Variants in ZNF107 observed in about 807,000 individuals in gnomAD.
ZNF107 encodes C2H2 type zinc-finger protein.
In ZNF107, 19 loss-of-function variants were observed where a neutral mutation model predicts 12.3. The observed-to-expected ratio is 1.55, with a 90% CI of 1.08 to 2.27. ZNF107 has a LOEUF of 2.27. Among genes scored for constraint, ZNF107 ranks in the 30% most tolerant of loss-of-function variants. The pLI, the probability that ZNF107 is intolerant of heterozygous loss-of-function variation, is 0.00. For missense variants in ZNF107, 958 were observed against 979.9 expected (o/e 0.98, Z 0.30); for synonymous variants, 317 against 330.5 (o/e 0.96, Z 0.44).
chr7:64,691,973 GA>G lies in ZNF107; in HGVS notation c.226+16del. 6.7e-7 allele frequency: 1 copy of G among 1,484,024 alleles called. No homozygotes were observed. Among genetic ancestry groups the G allele is most frequent in the Non-Finnish European group, 9.0e-7 (1 of 1,110,924 alleles). The allele number at this position is 1,484,024 out of a possible 1,614,324, so 91.9% of individuals were successfully genotyped here. On this transcript the variant is annotated intron_variant, in intron 3 of 3. Coordinates refer to ENST00000620827, the MANE Select transcript of ZNF107 (RefSeq NM_001282359.2). ...GCCAAACCCCCAGGTAGGTGAGAGTGAAAGTGAATACAACAGATGACAAAGA... is the reference window on the plus strand; with the variant it reads ...GCCAAACCCCCAGGTAGGTGAGAGTGAAGTGAATACAACAGATGACAAAGA...
chr7:64,666,372 C>T, intron 1 of ZNF107, 87 bp downstream of exon 1: 1 of 1,544,944 alleles, frequency 6.5e-7, no homozygotes, highest in Non-Finnish European at 8.8e-7. Context: ...CTCGGGCCTC[C>T]AAAGTCCGCG....
intron 1 of ZNF107, among the ~76,000 whole-genome samples, chr7:64,670,995 C>G (rs917680910): frequency 6.6e-6 from 1 of 152,132 alleles, no homozygotes; most frequent in Admixed American, 6.5e-5. Flanking sequence ...TCTGCTGACT[C>G]TGGGGTCAGA....
intron 3 of ZNF107, among the ~76,000 whole-genome samples, chr7:64,699,359 T>TTTTGTC (rs1159526555): frequency 6.6e-6 from 1 of 152,158 alleles, no homozygotes; most frequent in Non-Finnish European, 1.5e-5. Context: ...TTTTAATTAG[T>TTTTGTC]AGGTTTATTC....
At chr7:64,699,910 T>C (rs1790412928) in intron 3 of ZNF107, among the ~76,000 whole-genome samples, 1 of 151,624 alleles carries the variant, frequency 6.6e-6, no homozygotes, top group Admixed American at 6.6e-5. Context: ...CTACTAAAAA[T>C]ACAAAAATTA....
intron 1 of ZNF107, among the ~76,000 whole-genome samples, chr7:64,667,303 A>T (rs573169767): frequency 6.6e-6 from 1 of 152,268 alleles, no homozygotes; most frequent in South Asian, 2.1e-4. Context: ...TACATTTTAG[A>T]TACTGTATTT....
At chr7:64,673,931 G>GTTT (rs1403869692) in intron 1 of ZNF107, among the ~76,000 whole-genome samples, 3 of 150,828 alleles carry the variant, frequency 2.0e-5, no homozygotes, top group African/African-American at 7.4e-5. Flanking sequence ...CTATTGGTCT[G>GTTT]TTTTTTGTTG....
At chr7:64,690,584 A>G (rs1463530254) in intron 1 of ZNF107, 10 of 955,638 alleles carry the variant, frequency 1.0e-5, no homozygotes, top group Non-Finnish European at 1.2e-5. Flanking sequence ...ATTTGCAGAG[A>G]CATTCCATTT....
chr7:64,671,137 A>G (rs1161511052), intron 1 of ZNF107, among the ~76,000 whole-genome samples: 1 of 152,148 alleles, frequency 6.6e-6, no homozygotes, highest in African/African-American at 2.4e-5. Flanking sequence ...TGGGAATGCG[A>G]CGCTCTACCC....
intron 1 of ZNF107, among the ~76,000 whole-genome samples, chr7:64,688,399 A>G (rs1363191239): frequency 6.6e-6 from 1 of 151,720 alleles, no homozygotes; most frequent in East Asian, 1.9e-4. Flanking sequence ...TGGGATTACA[A>G]GCACGCACCA....
At chr7:64,688,774 G>A (rs1446412622) in intron 1 of ZNF107, among the ~76,000 whole-genome samples, 1 of 152,136 alleles carries the variant, frequency 6.6e-6, no homozygotes, top group Non-Finnish European at 1.5e-5. Context: ...TGTTCTTTGA[G>A]CTAAGAATTT....
chr7:64,708,308 A>G lies in ZNF107; in HGVS notation c.2211A>G (p.Glu737=), dbSNP rs773067199. The G allele has an allele frequency of 1.3e-5, 21 of 1,613,524 alleles. No individual in the cohort carries two copies. In the East Asian group the frequency reaches 3.6e-4, roughly 27 times the overall value. ...HTGEKPYKCK[E]CGKAFNLSST... ...GAGAGAAACCTTACAAATGTAAAGAATGTGGCAAAGCTTTTAACCTATCCT... is the reference window on the plus strand; with the variant it reads ...GAGAGAAACCTTACAAATGTAAAGAGTGTGGCAAAGCTTTTAACCTATCCT... Residue 737 remains glutamate, a synonymous_variant, in exon 4 of 4, where the codon GAA becomes GAG. Transcript: ENST00000620827.
Position 64,706,841 on chromosome 7 carries a change from G to C in ZNF107, c.744G>C (p.Lys248Asn). 6.2e-7 allele frequency: 1 copy of C among 1,613,590 alleles called. No individual in the cohort carries two copies. The highest frequency in any genetic ancestry group is 8.5e-7 in the Non-Finnish European group (1 of 1,179,808). The change falls in exon 4 of 4, where the codon AAG becomes AAC. Residue 248 changes from lysine to asparagine, a missense_variant. Lys to Asn is a moderately conservative substitution (Grantham distance 94). Coordinates refer to ENST00000620827, the MANE Select transcript of ZNF107 (RefSeq NM_001282359.2). ...AGTCCTCACAACTTACTAGGCATAAGATAATTCATACTGAAGAGAAACCCA... is the reference window on the plus strand; with the variant it reads ...AGTCCTCACAACTTACTAGGCATAACATAATTCATACTGAAGAGAAACCCA... ...FNQSSQLTRH[K>N]IIHTEEKPNK...
At chr7:64,692,491 G>T (rs1790148720) in intron 3 of ZNF107, among the ~76,000 whole-genome samples, 1 of 151,582 alleles carries the variant, frequency 6.6e-6, no homozygotes, top group Non-Finnish European at 1.5e-5. Context: ...AAATTGCTTT[G>T]GCTCTTCAAA....
At chr7:64,677,388 T>C (rs975882007) in intron 1 of ZNF107, among the ~76,000 whole-genome samples, 7 of 151,468 alleles carry the variant, frequency 4.6e-5, no homozygotes, top group African/African-American at 1.7e-4. Context: ...GTCAGGCTGG[T>C]CTCGAACTCA....
chr7:64,685,701 C>A (rs532075353), intron 1 of ZNF107, among the ~76,000 whole-genome samples: 1 of 152,334 alleles, frequency 6.6e-6, no homozygotes, highest in South Asian at 2.1e-4. Context: ...AATTCACACA[C>A]CTTTTTAACA....
intron 1 of ZNF107, among the ~76,000 whole-genome samples, chr7:64,688,299 C>T (rs1789996605): frequency 1.3e-5 from 2 of 150,856 alleles, no homozygotes; most frequent in Non-Finnish European, 2.9e-5. Context: ...CTCTGTTGCC[C>T]AGGCTGGAGT....
chr7:64,698,281 A>G (rs185586943), intron 3 of ZNF107, among the ~76,000 whole-genome samples: 1,619 of 136,812 alleles, frequency 0.012, 34 homozygotes, highest in African/African-American at 0.039. Flanking sequence ...GTTCAGTTTT[A>G]AGAGTTGTTT....
At chr7:64,694,354 A>G (rs1301731616) in intron 3 of ZNF107, among the ~76,000 whole-genome samples, 1 of 152,212 alleles carries the variant, frequency 6.6e-6, no homozygotes, top group Non-Finnish European at 1.5e-5. Context: ...AGCCAAGTAC[A>G]GGGGTCTTGT....
At chr7:64,704,609 A>T (rs565501232) in intron 3 of ZNF107, among the ~76,000 whole-genome samples, 1 of 152,256 alleles carries the variant, frequency 6.6e-6, no homozygotes, top group South Asian at 2.1e-4. Context: ...CAGTGGAAGG[A>T]ACTCCTTTCA....
Sources: allele counts gnomAD v4.1 joint callset (sites outside exome capture counted in the v4.1 genomes callset), GRCh38; gene constraint gnomAD v4.1.1; transcripts MANE v1.5; gene names NCBI Gene and HGNC (gene_info 2026-07-23, HGNC 2026-07-21).